Variants in RNF38 observed in about 807,000 individuals in gnomAD.
The protein encoded by RNF38 is E3 ubiquitin-protein ligase RNF38.
A neutral mutation model predicts 67.2 loss-of-function variants in RNF38; 15 were observed. That is an observed-to-expected ratio of 0.22 (90% CI 0.15 to 0.34). The LOEUF is 0.34. RNF38 is among the 10% of genes least tolerant of loss of function. RNF38 has a pLI of 1.00. For missense variants in RNF38, 524 were observed against 639.9 expected, an observed-to-expected ratio of 0.82 and a Z score of 1.95; for synonymous variants, 220 against 218.8, an observed-to-expected ratio of 1.01 and a Z score of -0.05.
chr9:36,424,995 C>G (rs898987159), intron 1 of RNF38, among the ~76,000 whole-genome samples: 2 of 152,150 alleles, frequency 1.3e-5, no homozygotes, highest in African/African-American at 2.4e-5. Context: ...AAACACAAGC[C>G]TTCAATAAGG....
At chr9:36,439,372 A>T (rs1275177664) in intron 1 of RNF38, among the ~76,000 whole-genome samples, 1 of 152,174 alleles carries the variant, frequency 6.6e-6, no homozygotes, top group Non-Finnish European at 1.5e-5. Flanking sequence ...GATCTTGAAC[A>T]AGTGACCCTC....
chr9:36,485,219 G>T (rs928024712), intron 1 of RNF38, among the ~76,000 whole-genome samples: 3 of 152,056 alleles, frequency 2.0e-5, no homozygotes, highest in Admixed American at 6.6e-5. Flanking sequence ...GTAGTCTTCT[G>T]TTGGTGGACA....
chr9:36,414,243 C>T (rs954182), intron 2 of RNF38, among the ~76,000 whole-genome samples: 9,567 of 152,226 alleles, frequency 0.063, 343 homozygotes, highest in South Asian at 0.14. Flanking sequence ...TTACATTCAA[C>T]GTTAGTATTG....
rs758802849 is a variant in RNF38, at chr9:36,415,104, G to T, written n.312+9509C>A. On this transcript the variant is annotated intron_variant and non_coding_transcript_variant, in intron 2 of 3. Transcript: ENST00000488058. ...ATGTATAGATCTCTAGCAAGGCCAG[G>T]GAAATTTTCCTCAATCATTCCCTCA... 5.5e-4 allele frequency among the ~76,000 whole-genome samples: 84 copies of T among 152,070 alleles called. 3 individuals carry two copies. Among genetic ancestry groups the T allele is most frequent in the Admixed American group, 4.6e-3 (70 of 15,270 alleles).
intron 9 of RNF38, among the ~76,000 whole-genome samples, chr9:36,347,885 G>A (rs1833399412): frequency 6.6e-6 from 1 of 151,942 alleles, no homozygotes; most frequent in Admixed American, 6.6e-5. Flanking sequence ...GACCATCCTG[G>A]CTAACACGGT....
intron 5 of RNF38, among the ~76,000 whole-genome samples, chr9:36,357,556 C>A (rs1834221879): frequency 6.6e-6 from 1 of 152,130 alleles, no homozygotes; most frequent in Admixed American, 6.5e-5. Flanking sequence ...AGCTAATTTT[C>A]TTAAATGGTT....
At chr9:36,368,524 C>T (rs1835140525) in intron 4 of RNF38, among the ~76,000 whole-genome samples, 1 of 152,148 alleles carries the variant, frequency 6.6e-6, no homozygotes, top group Non-Finnish European at 1.5e-5. Flanking sequence ...AAACACTTTC[C>T]TCCATTTTGC....
intron 1 of RNF38, among the ~76,000 whole-genome samples, chr9:36,455,405 G>C (rs1028256560): frequency 9.9e-5 from 15 of 151,924 alleles, no homozygotes; most frequent in Non-Finnish European, 1.2e-4. Context: ...AGAAAGTTTT[G>C]TTTCTTTAAT....
At chr9:36,407,632 G>C (rs1337071921) in intron 2 of RNF38, among the ~76,000 whole-genome samples, 1 of 152,140 alleles carries the variant, frequency 6.6e-6, no homozygotes, top group Admixed American at 6.6e-5. Flanking sequence ...TGAGGCAACA[G>C]GCCTCCACTA....
intron 2 of RNF38, among the ~76,000 whole-genome samples, chr9:36,416,739 G>GAT (rs749963527): frequency 1.0e-5 from 1 of 98,446 alleles, no homozygotes; most frequent in Non-Finnish European, 2.0e-5. Flanking sequence ...CTGCTGCCTC[G>GAT]ATATTTTTTT....
At chr9:36,465,144 C>T (rs1323072062) in intron 1 of RNF38, among the ~76,000 whole-genome samples, 2 of 152,162 alleles carry the variant, frequency 1.3e-5, no homozygotes, top group Admixed American at 6.5e-5. Context: ...AATTAGAACC[C>T]TCGTACACTG....
At chr9:36,433,803 A>C (rs1478397377) in intron 1 of RNF38, among the ~76,000 whole-genome samples, 2 of 152,212 alleles carry the variant, frequency 1.3e-5, no homozygotes, top group African/African-American at 4.8e-5. Flanking sequence ...CCAAATCAAT[A>C]AAAAGCAAGA....
chr9:36,462,980 CTT>C lies in RNF38; in HGVS notation n.241+24326_241+24327del, dbSNP rs112977096. ...AGCCACTGTACCCCGCCCTGATTTA[CTT>C]TTTTTTTTTTTAAGTGAAAACAAGC... On this transcript the variant is annotated intron_variant and non_coding_transcript_variant, in intron 1 of 3. Coordinates refer to the RNF38 transcript ENST00000488058. Among the ~76,000 whole-genome samples the C allele has an allele frequency of 5.0e-4, 72 of 145,262 alleles. 1 individual carries two copies. The highest frequency in any genetic ancestry group is 4.3e-3 in the Admixed American group (63 of 14,538).
chr9:36,446,097 CTG>C (rs1462907431), intron 1 of RNF38, among the ~76,000 whole-genome samples: 1 of 152,174 alleles, frequency 6.6e-6, no homozygotes, highest in Non-Finnish European at 1.5e-5. Context: ...TCAGGCTGTT[CTG>C]TGTGGTCCAT....
At chr9:36,447,329 A>C (rs147740966) in intron 1 of RNF38, among the ~76,000 whole-genome samples, 36 of 152,312 alleles carry the variant, frequency 2.4e-4, no homozygotes, top group African/African-American at 8.2e-4. Flanking sequence ...GCTTGAGAGC[A>C]GAAGCCATGA....
chr9:36,351,797 T>C (rs976486635), intron 8 of RNF38, among the ~76,000 whole-genome samples: 2 of 152,202 alleles, frequency 1.3e-5, no homozygotes, highest in Non-Finnish European at 2.9e-5. Flanking sequence ...GCAGGGGTTA[T>C]ACGTGCCACT....
chr9:36,376,034 G>T lies in RNF38; in HGVS notation c.256C>A (p.Pro86Thr). 1 of 1,613,240 alleles carries T rather than the reference G, an allele frequency of 6.2e-7. No homozygotes were observed. Among genetic ancestry groups the T allele is most frequent in the South Asian group, 1.1e-5 (1 of 90,836 alleles). The change falls in exon 3 of 12, where the codon CCA becomes ACA. Residue 86 changes from proline (P) to threonine (T), a missense_variant. Around this residue, in one of 2 missense-constraint regions of RNF38, gnomAD observed 461 missense variants for 517.4 expected, o/e 0.89. Transcript: ENST00000259605. ...ASPAPSPPMR[P>T]WEMTSNRQPP... ...TGCCTATTTGATGTCATCTCCCATG[G>T]TCGCATTGGTGGTGAGGGAGCTGGT...
intron 1 of RNF38, among the ~76,000 whole-genome samples, chr9:36,452,535 T>C (rs1204451435): frequency 6.9e-6 from 1 of 145,316 alleles, no homozygotes; most frequent in Non-Finnish European, 1.5e-5. Context: ...AAAATCTTGC[T>C]TTTTTTTTTT....
At chr9:36,421,919 C>G (rs1390416941) in intron 2 of RNF38, among the ~76,000 whole-genome samples, 1 of 152,072 alleles carries the variant, frequency 6.6e-6, no homozygotes, top group East Asian at 1.9e-4. Flanking sequence ...CCCAGAATAA[C>G]ACCTGATGAT....
Sources: allele counts gnomAD v4.1 joint callset (sites outside exome capture counted in the v4.1 genomes callset), GRCh38; gene constraint gnomAD v4.1.1; regional missense constraint gnomAD v4.1.1; transcripts MANE v1.5; gene names NCBI Gene and HGNC (gene_info 2026-07-23, HGNC 2026-07-21).